MYO9A: variants seen among roughly 807,000 people sequenced by gnomAD.
MYO9A encodes the protein myosin IXA, also known as unconventional myosin-IXa.
Under a neutral mutation model 293.3 loss-of-function variants are expected in MYO9A, and 103 were observed. The ratio of observed to expected loss-of-function variants is 0.35; its 90% CI spans 0.30 to 0.41. The LOEUF is 0.41. MYO9A is among the 10% of genes least tolerant of loss of function. The pLI, the probability that MYO9A is intolerant of heterozygous loss-of-function variation, is 1.00. For synonymous variants in MYO9A, 1,001 were observed against 1,035.7 expected, an observed-to-expected ratio of 0.97 and a Z score of 0.64; for missense variants, 2,685 against 3,033.0, an observed-to-expected ratio of 0.89 and a Z score of 2.69.
intron 15 of MYO9A, among the ~76,000 whole-genome samples, chr15:71,944,173 T>C (rs2058852165): frequency 6.6e-6 from 1 of 152,126 alleles, no homozygotes; most frequent in African/African-American, 2.4e-5. Flanking sequence ...TTCAAATCTT[T>C]TGCCCATTTA....
intron 18 of MYO9A, among the ~76,000 whole-genome samples, chr15:71,921,481 T>C (rs985578574): frequency 6.6e-6 from 1 of 152,126 alleles, no homozygotes; most frequent in African/African-American, 2.4e-5. Flanking sequence ...CCACTCCTTC[T>C]CCCGCACTCC....
Position 72,016,859 on chromosome 15 carries a change from T to A in MYO9A, c.1155+2180A>T, listed in dbSNP as rs138701343. 9.2e-5 allele frequency among the ~76,000 whole-genome samples: 14 copies of A among 152,200 alleles called. No individual in the cohort carries two copies. The East Asian group carries it at 2.5e-3, about 27-fold the overall frequency. ...GTGGCAACAACATTCACTATGCACT[T>A]ACTAAGGATTATGTACTCTATCAAG... On this transcript the variant is annotated intron_variant, in intron 6 of 41. Transcript: ENST00000356056.
At chr15:71,980,976 C>T (rs1270948172) in intron 11 of MYO9A, among the ~76,000 whole-genome samples, 1 of 152,138 alleles carries the variant, frequency 6.6e-6, no homozygotes, top group Admixed American at 6.5e-5. Context: ...ATCAGAAAAT[C>T]ATTTTCTACT....
rs1469020074 is a variant in MYO9A at position 71,964,141 on chromosome 15, TA to T, written c.1986+3842del. Among the ~76,000 whole-genome samples the T allele has an allele frequency of 6.6e-5, 10 of 152,180 alleles. No individual in the cohort carries two copies. In the South Asian group the frequency reaches 1.7e-3, roughly 25 times the overall value. The stretch of plus-strand genomic sequence containing the variant: ...TTTCATTCCTGGTATCTGTAATCTA[TA>T]ATTTTTTTTATATTATCAGTTATTT... On this transcript the variant is annotated intron_variant, in intron 13 of 41. Coordinates refer to ENST00000356056, the MANE Select transcript of MYO9A (RefSeq NM_006901.4).
intron 12 of MYO9A, among the ~76,000 whole-genome samples, chr15:71,976,168 A>C (rs2076143500): frequency 6.6e-6 from 1 of 152,142 alleles, no homozygotes. Context: ...GACAGTGTCA[A>C]ATCTGAATAG....
At chr15:71,903,666 C>T (rs550971699) in intron 21 of MYO9A, among the ~76,000 whole-genome samples, 2 of 152,276 alleles carry the variant, frequency 1.3e-5, no homozygotes, top group Non-Finnish European at 2.9e-5. Flanking sequence ...ATTGTTATAT[C>T]AGGAGTAAAT....
intron 32 of MYO9A, among the ~76,000 whole-genome samples, chr15:71,863,264 A>G (rs144606146): frequency 0.013 from 1,917 of 151,998 alleles, 26 homozygotes; most frequent in African/African-American, 0.02. Flanking sequence ...ATCTCAGGAA[A>G]CTTTTACAGT....
intron 1 of MYO9A, among the ~76,000 whole-genome samples, chr15:72,081,365 T>C (rs984205963): frequency 2.2e-4 from 34 of 152,338 alleles, no homozygotes; most frequent in African/African-American, 7.7e-4. Context: ...TATGTCTTCA[T>C]TTGAAAAGTG....
chr15:72,111,765 T>C lies in MYO9A; in HGVS notation c.-72+5915A>G, dbSNP rs77621344. Among the ~76,000 whole-genome samples, 86 of 151,992 alleles carry C rather than the reference T, an allele frequency of 5.7e-4. No homozygotes were observed. In the East Asian group the frequency reaches 0.013, roughly 24 times the overall value. The stretch of plus-strand genomic sequence containing the variant: ...GATCCTCCCACCTCAGCCTCCCAAG[T>C]AGCTAGGACCATAGGTGAATGCCAC... On this transcript the variant is annotated intron_variant, in intron 1 of 41. Transcript: ENST00000356056.
At chr15:71,986,603 T>C (rs1480189443) in intron 11 of MYO9A, among the ~76,000 whole-genome samples, 1 of 152,186 alleles carries the variant, frequency 6.6e-6, no homozygotes, top group East Asian at 1.9e-4. Flanking sequence ...TGGTAATATG[T>C]ATGTATACAT....
intron 1 of MYO9A, among the ~76,000 whole-genome samples, chr15:72,085,475 T>G (rs903793212): frequency 6.6e-6 from 1 of 152,192 alleles, no homozygotes; most frequent in African/African-American, 2.4e-5. Context: ...TCATTCGGGT[T>G]GGTTACATTC....
chr15:71,944,670 A>C (rs746784819), intron 15 of MYO9A, among the ~76,000 whole-genome samples: 77 of 152,260 alleles, frequency 5.1e-4, no homozygotes, highest in African/African-American at 1.2e-3. Context: ...GTATGTGTAG[A>C]TCTACTTCTG....
Position 71,827,899 on chromosome 15 carries a change from T to G in MYO9A, c.7168A>C (p.Ile2390Leu), listed in dbSNP as rs2291280. The G allele has an allele frequency of 1.9e-6, 3 of 1,613,300 alleles. No homozygotes were observed. Among genetic ancestry groups the G allele is most frequent in the South Asian group, 1.1e-5 (1 of 90,904 alleles). The change falls in exon 41 of 42, where the codon ATC becomes CTC. Residue 2390 changes from isoleucine to leucine, a missense_variant. Physicochemically the swap from Ile to Leu is conservative, Grantham distance 5 (BLOSUM62 2). Transcript: ENST00000356056. ...GTTCACTTACCTGATTTCTCAGAGA[T>G]AGCATATTCAGACTCCATATTCAAA... is the stretch of plus-strand genomic sequence containing the variant. ...ENLNMESEYA[I>L]SEKSERSLAL...
At chr15:72,003,810 A>C (rs1293023935) in intron 8 of MYO9A, among the ~76,000 whole-genome samples, 1 of 152,224 alleles carries the variant, frequency 6.6e-6, no homozygotes, top group African/African-American at 2.4e-5. Flanking sequence ...CCAGATTTGA[A>C]AATCCTAAAA....
chr15:71,995,317 A>T (rs1227575533), intron 9 of MYO9A, among the ~76,000 whole-genome samples: 1 of 152,176 alleles, frequency 6.6e-6, no homozygotes, highest in East Asian at 1.9e-4. Flanking sequence ...TAAAACATAC[A>T]CTAATACAAC....
At chr15:71,970,673 T>G (rs551792637) in intron 12 of MYO9A, among the ~76,000 whole-genome samples, 7 of 152,240 alleles carry the variant, frequency 4.6e-5, no homozygotes, top group Non-Finnish European at 8.8e-5. Context: ...CAGTCCAGTA[T>G]CCTACCTACA....
chr15:71,916,725 G>A (rs11854687), intron 18 of MYO9A, among the ~76,000 whole-genome samples: 2,270 of 152,260 alleles, frequency 0.015, 55 homozygotes, highest in African/African-American at 0.052. Context: ...TAGAGTTCTG[G>A]ATATGGTTTA....
chr15:72,069,197 A>G (rs753189936), intron 1 of MYO9A, among the ~76,000 whole-genome samples: 4 of 152,218 alleles, frequency 2.6e-5, no homozygotes, highest in Non-Finnish European at 4.4e-5. Context: ...TCAGCATTAG[A>G]CTTTTGCCAG....
At chr15:72,113,997 C>T (rs969433363) in intron 1 of MYO9A, among the ~76,000 whole-genome samples, 9 of 152,076 alleles carry the variant, frequency 5.9e-5, no homozygotes, top group African/African-American at 1.9e-4. Flanking sequence ...GAAGCTATGA[C>T]ATAGGGGGAA....
Sources: gnomAD v4.1 joint callset for allele counts (sites outside exome capture counted in the v4.1 genomes callset) on GRCh38, gnomAD v4.1.1 for gene constraint, MANE v1.5 for transcripts, NCBI Gene and HGNC (gene_info 2026-07-23, HGNC 2026-07-21) for gene names.